Variants in ACTR10 observed in about 807,000 individuals in gnomAD.
ACTR10 encodes actin related protein 10, also known as actin-related protein 10.
ACTR10 carries 43 observed loss-of-function variants against 56.2 expected under a neutral mutation model. The ratio of observed to expected loss-of-function variants is 0.77; its 90% CI spans 0.60 to 0.99. ACTR10 has a LOEUF of 0.99. ACTR10 is among the 50% of genes least tolerant of loss of function. The pLI, the probability that ACTR10 is intolerant of heterozygous loss-of-function variation, is 0.00. For missense variants in ACTR10, 466 were observed against 507.8 expected (o/e 0.92, Z 0.79); for synonymous variants, 170 against 176.3 (o/e 0.96, Z 0.28).
Position 58,207,943 on chromosome 14 carries a change from G to T in ACTR10, c.158G>T (p.Arg53Ile). ...CATTTTAATTTTTTACAGCCTGTCA[G>T]AGTTGTTCAGTATAATATCAATACA... ...IKRAGMPKPV[R>I]VVQYNINTEE... Residue 53 changes from arginine (R) to isoleucine (I), a missense_variant, in exon 3 of 13, where the codon AGA becomes ATA. Physicochemically the swap from Arg to Ile is moderately conservative, Grantham distance 97 (BLOSUM62 -3). Transcript: ENST00000254286. 6.8e-7 allele frequency: 1 copy of T among 1,462,930 alleles called. No homozygotes were observed. The highest frequency in any genetic ancestry group is 1.5e-5 in the South Asian group (1 of 66,570). The allele number at this position is 1,462,930 out of a possible 1,614,324, so 90.6% of individuals were successfully genotyped here. A position where few individuals can be genotyped will look rare whatever the true frequency, so the allele number is the denominator to read the frequency against.
intron 10 of ACTR10, among the ~76,000 whole-genome samples, chr14:58,228,681 CTTTTT>C (rs35498207): frequency 0.017 from 698 of 40,440 alleles, 7 homozygotes; most frequent in Admixed American, 0.027. Flanking sequence ...GCAAGACAGA[CTTTTT>C]TTTTTTTTTT....
Position 58,200,212 on chromosome 14 carries a change from A to T in ACTR10, c.-6A>T. 1 of 1,529,944 alleles carries T rather than the reference A, an allele frequency of 6.5e-7. No individual in the cohort carries two copies. Among genetic ancestry groups the T allele is most frequent in the Non-Finnish European group, 8.8e-7 (1 of 1,138,740 alleles). 94.8% of individuals were successfully genotyped at this position (1,529,944 alleles called of 1,614,324 possible). On this transcript the variant is annotated 5_prime_UTR_variant, in exon 1 of 13. Coordinates refer to ENST00000254286, the MANE Select transcript of ACTR10 (RefSeq NM_018477.3). ...CGACCCTCTTCTCTCAGTCTGCCTT[A>T]CTACCATGCCGCTCTACGAGGGCCT...
In ACTR10 at chr14:58,202,871, G is replaced by GA. The variant is rs1167556564; in HGVS notation, c.97dup (p.Thr33AsnfsTer9). 1.2e-6 allele frequency: 2 copies of GA among 1,606,398 alleles called. No homozygotes were observed. The highest frequency in any genetic ancestry group is 1.7e-6 in the Non-Finnish European group (2 of 1,176,280). ...TATTTGCAGGTGTGGATTTGCTGGA[G>GA]AAACTGGTCCAAGATGTATAATTCC... On this transcript the variant is annotated frameshift_variant, in exon 2 of 13. Transcript: ENST00000254286. LOFTEE classifies it high-confidence loss of function.
At chr14:58,228,602 GAA>G (rs75001836) in intron 10 of ACTR10, among the ~76,000 whole-genome samples, 2 of 125,006 alleles carry the variant, frequency 1.6e-5, no homozygotes, top group South Asian at 2.6e-4. Flanking sequence ...TCTCAAAAGG[GAA>G]AAAAAAAAAG....
At chr14:58,221,155 C>G (rs895220264) in intron 8 of ACTR10, among the ~76,000 whole-genome samples, 8 of 151,676 alleles carry the variant, frequency 5.3e-5, no homozygotes, top group Admixed American at 1.3e-4. Flanking sequence ...TGGTGGCACT[C>G]GCCTGTAGTC....
chr14:58,212,310 C>T (rs1158394518), intron 5 of ACTR10, among the ~76,000 whole-genome samples: 1 of 152,176 alleles, frequency 6.6e-6, no homozygotes, highest in Non-Finnish European at 1.5e-5. Context: ...ATAATTCAAG[C>T]TGTCCCAAAA....
intron 10 of ACTR10, among the ~76,000 whole-genome samples, chr14:58,226,319 G>A (rs971819128): frequency 6.7e-6 from 1 of 150,356 alleles, no homozygotes; most frequent in African/African-American, 2.4e-5. Context: ...TCACTGTGCT[G>A]CCCAGTTGGT....
intron 10 of ACTR10, among the ~76,000 whole-genome samples, chr14:58,227,219 A>T (rs1889425499): frequency 6.6e-6 from 1 of 151,642 alleles, no homozygotes; most frequent in African/African-American, 2.4e-5. Context: ...AGTTACTAGG[A>T]ATCAGTCTTG....
chr14:58,225,259 T>C (rs1769296850), intron 10 of ACTR10, among the ~76,000 whole-genome samples: 1 of 152,202 alleles, frequency 6.6e-6, no homozygotes, highest in African/African-American at 2.4e-5. Context: ...ATTCACCGTT[T>C]ATTGATTTGA....
chr14:58,228,211 A>G (rs889568166), intron 10 of ACTR10, among the ~76,000 whole-genome samples: 1 of 152,240 alleles, frequency 6.6e-6, no homozygotes, highest in Non-Finnish European at 1.5e-5. Context: ...TCTCTGAGAT[A>G]TAGCCCTTAT....
At chr14:58,219,657 T>C in intron 7 of ACTR10, 37 bp from the exon 8 acceptor site, 2 of 1,338,134 alleles carry the variant, frequency 1.5e-6, no homozygotes, top group African/African-American at 1.5e-5. Context: ...TTTTAATTAT[T>C]AAAGTTTTAT....
At position 58,200,278 on chromosome 14, in the gene ACTR10, G is replaced by A. The variant is rs1040802881; in HGVS notation, c.61G>A (p.Gly21Arg). 6.6e-7 allele frequency: 1 copy of A among 1,511,416 alleles called. No homozygotes were observed. Among genetic ancestry groups the A allele is most frequent in the Admixed American group, 2.5e-5 (1 of 40,518 alleles). 93.6% of individuals were successfully genotyped at this position (1,511,416 alleles called of 1,614,324 possible). The part of the protein sequence containing the change: ...GEKTAVVIDL[G>R]EAFTKCGFAG... ...GAAGACGGCGGTCGTGATCGACCTGGGAGAGGCCTTTACCAAGTGAGTGGC... is the reference window on the plus strand; with the variant it reads ...GAAGACGGCGGTCGTGATCGACCTGAGAGAGGCCTTTACCAAGTGAGTGGC... The change falls in exon 1 of 13, where the codon GGA becomes AGA. Residue 21 changes from glycine to arginine, a missense_variant. Physicochemically the swap from Gly to Arg is moderately radical, Grantham distance 125. Coordinates refer to ENST00000254286, the MANE Select transcript of ACTR10 (RefSeq NM_018477.3).
Position 58,219,578 on chromosome 14 carries a change from T to G in ACTR10, c.599-116T>G, listed in dbSNP as rs961573182. The G allele has an allele frequency of 3.7e-5, 21 of 568,892 alleles. 1 individual carries two copies. Among genetic ancestry groups the G allele is most frequent in the Non-Finnish European group, 5.9e-5 (20 of 340,646 alleles). 35.2% of individuals were successfully genotyped at this position (568,892 alleles called of 1,614,324 possible). The stretch of plus-strand genomic sequence containing the variant: ...TCTGTTAGACTTTTTGAGAAAATTA[T>G]AGTAGTTGTATTTTTAAAATTTTTT... On this transcript the variant is annotated intron_variant, in intron 7 of 12. Transcript: ENST00000254286.
In ACTR10 at chr14:58,215,356, T is replaced by C. The variant is rs878956991; in HGVS notation, c.598+72T>C. ...GTTCTTCAACTTGTATTTTAGTCTTTGCTCCATTGCATGATTATTCTCTTT... is the reference window on the plus strand; with the variant it reads ...GTTCTTCAACTTGTATTTTAGTCTTCGCTCCATTGCATGATTATTCTCTTT... On this transcript the variant is annotated intron_variant, in intron 7 of 12. Coordinates refer to ENST00000254286, the MANE Select transcript of ACTR10 (RefSeq NM_018477.3). 6.0e-5 allele frequency: 55 copies of C among 923,852 alleles called. 1 individual carries two copies. In the South Asian group the frequency reaches 8.3e-4, roughly 14 times the overall value. The allele number at this position is 923,852 out of a possible 1,614,324, so 57.2% of individuals were successfully genotyped here. A position where few individuals can be genotyped will look rare whatever the true frequency, so the allele number is the denominator to read the frequency against.
At chr14:58,216,169 G>C (rs1382792123) in intron 7 of ACTR10, among the ~76,000 whole-genome samples, 1 of 152,074 alleles carries the variant, frequency 6.6e-6, no homozygotes, top group East Asian at 1.9e-4. Context: ...CTGTTGCCCA[G>C]ACTGGAGGGC....
At chr14:58,223,030 C>T (rs1185504470) in intron 8 of ACTR10, among the ~76,000 whole-genome samples, 3 of 151,970 alleles carry the variant, frequency 2.0e-5, no homozygotes, top group African/African-American at 7.3e-5. Flanking sequence ...ACAGTTTCCT[C>T]AAAGGTGATT....
intron 6 of ACTR10, 44 bp from the exon 7 acceptor site, chr14:58,215,161 G>A (rs1417220693): frequency 8.2e-7 from 1 of 1,217,240 alleles, no homozygotes; most frequent in East Asian, 2.4e-5. Flanking sequence ...AAGGATATCA[G>A]TTTCAATATT....
chr14:58,200,882 A>G (rs1225369578), intron 1 of ACTR10, among the ~76,000 whole-genome samples: 2 of 152,216 alleles, frequency 1.3e-5, no homozygotes, highest in African/African-American at 2.4e-5. Context: ...TGTAAACAAT[A>G]GAGAGGAGGT....
intron 10 of ACTR10, among the ~76,000 whole-genome samples, chr14:58,224,368 A>G (rs1002184421): frequency 6.6e-6 from 1 of 152,100 alleles, no homozygotes; most frequent in African/African-American, 2.4e-5. Flanking sequence ...GTAATTGAGA[A>G]TTAGTTCTCA....
Sources: allele counts gnomAD v4.1 joint callset (sites outside exome capture counted in the v4.1 genomes callset), GRCh38; gene constraint gnomAD v4.1.1; transcripts MANE v1.5; gene names NCBI Gene and HGNC (gene_info 2026-07-23, HGNC 2026-07-21).